The following HCK variants were observed in gnomAD, a reference collection of about 807,000 sequenced individuals.
HCK encodes tyrosine-protein kinase HCK.
A neutral mutation model predicts 70.4 loss-of-function variants in HCK; 40 were observed. The observed-to-expected ratio is 0.57, with a 90% CI of 0.44 to 0.74. HCK has a LOEUF of 0.74. Among genes scored for constraint, HCK ranks in the 30% least tolerant of loss-of-function variants. The probability of loss-of-function intolerance (pLI) is 0.00; values close to 1 mark genes in which losing one functional copy is unlikely to be tolerated. For synonymous variants in HCK, 245 were observed against 263.2 expected (o/e 0.93, Z 0.67); for missense variants, 568 against 697.2 (o/e 0.81, Z 2.09).
At chr20:32,071,885 G>A (rs2045545710) in intron 2 of HCK, 103 bp downstream of exon 2, 1 of 1,431,780 alleles carries the variant, frequency 7.0e-7, no homozygotes, top group Non-Finnish European at 9.4e-7. Flanking sequence ...GTGAGCTTGG[G>A]GTGAAAGGGA....
chr20:32,059,817 C>T (rs1458055107), intron 1 of HCK, among the ~76,000 whole-genome samples: 2 of 152,014 alleles, frequency 1.3e-5, no homozygotes, highest in Non-Finnish European at 2.9e-5. Context: ...TACCTGGCCT[C>T]TAATGGTTTA....
chr20:32,099,388 C>A (rs1302548555), intron 12 of HCK, among the ~76,000 whole-genome samples: 1 of 132,468 alleles, frequency 7.5e-6, no homozygotes, highest in Admixed American at 7.7e-5. Context: ...GACGGAGTCT[C>A]CCTCTGTCAC....
At chr20:32,070,728 C>G (rs2045524002) in intron 1 of HCK, among the ~76,000 whole-genome samples, 1 of 152,098 alleles carries the variant, frequency 6.6e-6, no homozygotes, top group South Asian at 2.1e-4. Flanking sequence ...TCCCATTCGG[C>G]TGCAGTTGAG....
At chr20:32,098,100 T>C (rs2045981781) in intron 11 of HCK, among the ~76,000 whole-genome samples, 1 of 152,146 alleles carries the variant, frequency 6.6e-6, no homozygotes, top group Admixed American at 6.6e-5. Flanking sequence ...CAGGCTGGAG[T>C]GCAGTGGTGT....
intron 5 of HCK, among the ~76,000 whole-genome samples, chr20:32,078,716 G>A (rs971005000): frequency 3.3e-5 from 5 of 151,928 alleles, no homozygotes; most frequent in Non-Finnish European, 5.9e-5. Context: ...AATTAGCTAG[G>A]TGTAGTGGTG....
chr20:32,099,266 G>A, intron 12 of HCK, 131 bp downstream of exon 12: 1 of 834,132 alleles, frequency 1.2e-6, no homozygotes, highest in Non-Finnish European at 1.8e-6. Context: ...TCCTGTCTTA[G>A]TTAAAGGCAC....
At chr20:32,086,042 CAG>C (rs1461052484) in intron 8 of HCK, among the ~76,000 whole-genome samples, 1 of 152,110 alleles carries the variant, frequency 6.6e-6, no homozygotes, top group Non-Finnish European at 1.5e-5. Flanking sequence ...TTGTTTGAGA[CAG>C]AGTCTCGCTC....
chr20:32,059,218 C>T (rs1413201132), intron 1 of HCK, among the ~76,000 whole-genome samples: 1 of 152,090 alleles, frequency 6.6e-6, no homozygotes, highest in East Asian at 1.9e-4. Flanking sequence ...AAGAGGTGGC[C>T]ATGGAGGGCT....
chr20:32,069,944 T>C lies in HCK; in HGVS notation c.63-1718T>C, dbSNP rs560636633. Among the ~76,000 whole-genome samples the C allele has an allele frequency of 1.5e-3, 224 of 152,340 alleles. 1 individual carries two copies. The highest frequency in any genetic ancestry group is 5.1e-3 in the African/African-American group (214 of 41,578). On this transcript the variant is annotated intron_variant, in intron 1 of 12. Transcript: ENST00000375852. ...TGAGAAAAGCAAGCACTTCCTTATG[T>C]GGTTGTCACAGCCTGCCTTCTCAGC... is the stretch of plus-strand genomic sequence containing the variant.
intron 5 of HCK, among the ~76,000 whole-genome samples, chr20:32,077,020 G>T (rs761992006): frequency 5.9e-5 from 9 of 152,128 alleles, no homozygotes; most frequent in Non-Finnish European, 1.3e-4. Context: ...GGAGGCAGAG[G>T]TTGCAGTGAG....
intron 3 of HCK, 111 bp downstream of exon 3, chr20:32,073,472 T>G: frequency 1.0e-6 from 1 of 983,310 alleles, no homozygotes; most frequent in Non-Finnish European, 1.5e-6. Context: ...CTGTCGAGAA[T>G]CCCCAAAATT....
intron 9 of HCK, 120 bp downstream of exon 9, chr20:32,086,927 C>T: frequency 1.2e-6 from 1 of 824,072 alleles, no homozygotes; most frequent in East Asian, 2.9e-5. Flanking sequence ...AGGAGCTCTT[C>T]CAACAAGTAC....
chr20:32,054,287 C>T, intron 1 of HCK: 1 of 456,020 alleles, frequency 2.2e-6, no homozygotes, highest in South Asian at 1.5e-5. Flanking sequence ...TAAATGTACG[C>T]ATAAACAACA....
chr20:32,055,442 C>T (rs770798401), intron 1 of HCK, among the ~76,000 whole-genome samples: 4 of 152,260 alleles, frequency 2.6e-5, no homozygotes, highest in Non-Finnish European at 5.9e-5. Flanking sequence ...CTTTTCTATG[C>T]ACTTTTAAAT....
At chr20:32,094,755 A>G (rs908961355) in intron 11 of HCK, among the ~76,000 whole-genome samples, 7 of 132,256 alleles carry the variant, frequency 5.3e-5, no homozygotes, top group East Asian at 4.1e-4. Flanking sequence ...GAAAGAAAGA[A>G]AGAAAGAAGG....
chr20:32,064,219 C>T (rs2045423667), intron 1 of HCK, among the ~76,000 whole-genome samples: 1 of 151,902 alleles, frequency 6.6e-6, no homozygotes, highest in Non-Finnish European at 1.5e-5. Flanking sequence ...TGGACAAACT[C>T]CTGACCTCTG....
chr20:32,075,034 A>G (rs3746602), intron 5 of HCK, among the ~76,000 whole-genome samples: 81,636 of 152,132 alleles, frequency 0.54, 24,853 homozygotes, highest in East Asian at 0.91. Context: ...CAAGGAAGAG[A>G]GCTGGTGAGA....
intron 1 of HCK, among the ~76,000 whole-genome samples, chr20:32,068,788 T>C (rs2045497050): frequency 6.7e-6 from 1 of 149,824 alleles, no homozygotes; most frequent in African/African-American, 2.4e-5. Flanking sequence ...ATATAAATTT[T>C]AAAAGATTAG....
chr20:32,083,860 G>C (rs2045741022), intron 6 of HCK, 34 bp from the exon 7 acceptor site: 2 of 1,613,538 alleles, frequency 1.2e-6, no homozygotes, highest in East Asian at 4.5e-5. Context: ...CCTCCAAGAT[G>C]CCATTCTGAG....
Sources: gnomAD v4.1 joint callset for allele counts (sites outside exome capture counted in the v4.1 genomes callset) on GRCh38, gnomAD v4.1.1 for gene constraint, MANE v1.5 for transcripts, NCBI Gene and HGNC (gene_info 2026-07-23, HGNC 2026-07-21) for gene names.